Variants in MEI1 observed in about 807,000 individuals in gnomAD.
MEI1 encodes the protein meiotic double-stranded break formation protein 1.
A neutral mutation model predicts 146.2 loss-of-function variants in MEI1; 103 were observed. The ratio of observed to expected loss-of-function variants is 0.70; its 90% CI spans 0.60 to 0.83. The LOEUF is 0.83. Ranked by LOEUF, MEI1 falls within the 40% of genes least tolerant of loss-of-function variation. The pLI is 0.00. For synonymous variants in MEI1, 652 were observed against 628.2 expected, an observed-to-expected ratio of 1.04 and a Z score of -0.57; for missense variants, 1,529 against 1,533.0, an observed-to-expected ratio of 1.00 and a Z score of 0.04.
At position 41,781,763 on chromosome 22, in the gene MEI1, A is replaced by T; in HGVS notation, c.3005A>T (p.Asp1002Val). 6.2e-7 allele frequency: 1 copy of T among 1,613,972 alleles called. No homozygotes were observed. The highest frequency in any genetic ancestry group is 8.5e-7 in the Non-Finnish European group (1 of 1,179,892). ...KMLALTLAKA[D>V]SPRTALLCSA... ...CTGGCCCTCACCTTGGCAAAGGCAGATTCTCCCAGGACTGCACTCCTCTGC... is the reference window on the plus strand; with the variant it reads ...CTGGCCCTCACCTTGGCAAAGGCAGTTTCTCCCAGGACTGCACTCCTCTGC... Residue 1002 changes from aspartate (D) to valine (V), a missense_variant, in exon 24 of 31, where the codon GAT becomes GTT. Transcript: ENST00000401548.
chr22:41,783,362 G>A (rs1289709288), intron 24 of MEI1, among the ~76,000 whole-genome samples: 2 of 150,014 alleles, frequency 1.3e-5, no homozygotes, highest in South Asian at 2.1e-4. Context: ...GTGTGATCTC[G>A]GCTCACCGCA....
chr22:41,779,012 A>C, intron 22 of MEI1, 200 bp downstream of exon 22: 1 of 523,588 alleles, frequency 1.9e-6, no homozygotes, highest in South Asian at 2.2e-5. Context: ...TGTTTGGGAG[A>C]CACCCTACCT....
chr22:41,732,415 G>C, intron 10 of MEI1, 54 bp from the exon 11 acceptor site: 1 of 1,613,594 alleles, frequency 6.2e-7, no homozygotes, highest in Non-Finnish European at 8.5e-7. Context: ...TTTCACTCCT[G>C]GTGGGGTCAG....
At chr22:41,762,808 C>G (rs775550792) in intron 18 of MEI1, among the ~76,000 whole-genome samples, 3 of 152,126 alleles carry the variant, frequency 2.0e-5, no homozygotes, top group Non-Finnish European at 4.4e-5. Flanking sequence ...AAATACACCA[C>G]TGTTTAATGA....
intron 21 of MEI1, among the ~76,000 whole-genome samples, chr22:41,777,483 A>C (rs2075509307): frequency 6.6e-6 from 1 of 152,198 alleles, no homozygotes; most frequent in African/African-American, 2.4e-5. Context: ...GCAAAGCGAA[A>C]GGCAATCTGT....
chr22:41,719,467 G>A (rs1325976939), intron 6 of MEI1, among the ~76,000 whole-genome samples: 2 of 152,314 alleles, frequency 1.3e-5, no homozygotes, highest in Middle Eastern at 3.4e-3. Context: ...GATTAAAGGC[G>A]CAAGCCACTG....
In MEI1 at chr22:41,732,959, T is replaced by C. The variant is rs145213684; in HGVS notation, c.1331+356T>C. ...CCATGCCCAGCTAATTTTTGTATTATTATTAGAGGCGAGGTTTCACCATGT... is the reference window on the plus strand; with the variant it reads ...CCATGCCCAGCTAATTTTTGTATTACTATTAGAGGCGAGGTTTCACCATGT... On this transcript the variant is annotated intron_variant, in intron 11 of 30. Transcript: ENST00000401548. 1.4e-3 allele frequency among the ~76,000 whole-genome samples: 217 copies of C among 151,894 alleles called. 1 individual carries two copies. The highest frequency in any genetic ancestry group is 5.1e-3 in the African/African-American group (212 of 41,438).
intron 26 of MEI1, among the ~76,000 whole-genome samples, chr22:41,791,018 A>G (rs2076163382): frequency 6.6e-6 from 1 of 152,190 alleles, no homozygotes; most frequent in Non-Finnish European, 1.5e-5. Flanking sequence ...TTCCGGCAGG[A>G]CAACAGCATG....
At chr22:41,782,575 C>T (rs945667540) in intron 24 of MEI1, among the ~76,000 whole-genome samples, 1 of 152,196 alleles carries the variant, frequency 6.6e-6, no homozygotes, top group African/African-American at 2.4e-5. Flanking sequence ...TCTGTGGTAT[C>T]CTCACACTGC....
chr22:41,789,278 C>T (rs1433798125), intron 26 of MEI1, among the ~76,000 whole-genome samples: 1 of 152,124 alleles, frequency 6.6e-6, no homozygotes, highest in African/African-American at 2.4e-5. Flanking sequence ...TGCCAGTGCA[C>T]TCCAGCCTGG....
intron 19 of MEI1, among the ~76,000 whole-genome samples, chr22:41,768,425 T>TC (rs2074987488): frequency 6.6e-6 from 1 of 151,736 alleles, no homozygotes; most frequent in Non-Finnish European, 1.5e-5. Context: ...AGGGAACAAT[T>TC]CCATTTACAA....
chr22:41,705,403 C>T, intron 2 of MEI1, 101 bp from the exon 3 acceptor site: 1 of 959,798 alleles, frequency 1.0e-6, no homozygotes, highest in Non-Finnish European at 1.7e-6. Context: ...AATTCCTGAC[C>T]TCAGGTAATC....
intron 24 of MEI1, among the ~76,000 whole-genome samples, chr22:41,782,970 A>G (rs905386990): frequency 6.6e-6 from 1 of 151,826 alleles, no homozygotes; most frequent in African/African-American, 2.4e-5. Context: ...TGCATGTCCT[A>G]TCATTGCAGC....
In MEI1 at chr22:41,776,196, G is replaced by T; in HGVS notation, c.2639G>T (p.Gly880Val). The change falls in exon 21 of 31, where the codon GGT becomes GTT. Residue 880 changes from glycine (G) to valine (V), a missense_variant. By Grantham distance (109) the Gly-to-Val change is moderately radical. This residue lies in a region of MEI1 where 1,212 missense variants were observed against 1,178.9 expected (regional missense o/e 1.03). Coordinates refer to ENST00000401548, the MANE Select transcript of MEI1 (RefSeq NM_152513.4). Reference sequence around the variant, plus strand: ...AGGAATGAGGATATCCAAGTGGGCGGTCTTATCCGAGGCCACTTCCTGCTG... The same window carrying T: ...AGGAATGAGGATATCCAAGTGGGCGTTCTTATCCGAGGCCACTTCCTGCTG... ...LRRNEDIQVG[G>V]LIRGHFLLIL... The T allele has an allele frequency of 1.9e-6, 3 of 1,613,976 alleles. No individual in the cohort carries two copies. The highest frequency in any genetic ancestry group is 1.3e-5 in the African/African-American group (1 of 75,044).
intron 27 of MEI1, 131 bp from the exon 28 acceptor site, chr22:41,794,240 C>T (rs1360236798): frequency 2.6e-6 from 2 of 777,298 alleles, no homozygotes; most frequent in African/African-American, 1.7e-5. Context: ...AAAGAACCCT[C>T]CTTGGGTCAG....
At chr22:41,784,213 C>T in intron 24 of MEI1, 126 bp from the exon 25 acceptor site, 1 of 794,726 alleles carries the variant, frequency 1.3e-6, no homozygotes, top group Non-Finnish European at 2.0e-6. Flanking sequence ...TCTGTGTGGC[C>T]TCCTCCGTCC....
At position 41,718,135 on chromosome 22, in the gene MEI1, C is replaced by G; in HGVS notation, c.594C>G (p.Val198=). The G allele has an allele frequency of 2.5e-6, 4 of 1,613,758 alleles. No individual in the cohort carries two copies. The highest frequency in any genetic ancestry group is 3.4e-6 in the Non-Finnish European group (4 of 1,179,886). The change falls in exon 6 of 31, where the codon GTC becomes GTG. Residue 198 remains valine, a synonymous_variant. Coordinates refer to ENST00000401548, the MANE Select transcript of MEI1 (RefSeq NM_152513.4). The part of the protein sequence containing the change: ...VYPSEGIQAS[V]CYLYGKLYSS... ...CCAGTGAGGGCATACAAGCTTCTGTCTGTTACCTTTATGGGAAGCTATACT... is the reference window on the plus strand; with the variant it reads ...CCAGTGAGGGCATACAAGCTTCTGTGTGTTACCTTTATGGGAAGCTATACT...
chr22:41,741,523 A>G (rs1433606534), intron 11 of MEI1, among the ~76,000 whole-genome samples: 1 of 152,234 alleles, frequency 6.6e-6, no homozygotes, highest in African/African-American at 2.4e-5. Context: ...TGAGGGTTCA[A>G]ATGGGCCTTA....
At chr22:41,742,385 G>C (rs1050046718) in intron 11 of MEI1, among the ~76,000 whole-genome samples, 1 of 152,170 alleles carries the variant, frequency 6.6e-6, no homozygotes, top group African/African-American at 2.4e-5. Flanking sequence ...CTTGATGCAC[G>C]TTCAATTCTA....
Sources: gnomAD v4.1 joint callset for allele counts (sites outside exome capture counted in the v4.1 genomes callset) on GRCh38, gnomAD v4.1.1 for gene constraint, gnomAD v4.1.1 regional missense constraint, MANE v1.5 for transcripts, NCBI Gene and HGNC (gene_info 2026-07-23, HGNC 2026-07-21) for gene names.